The following GSE1 variants were observed in gnomAD, a reference collection of about 807,000 sequenced individuals.
GSE1 encodes the protein Gse1 coiled-coil protein.
In GSE1, 32 loss-of-function variants were observed where a neutral mutation model predicts 112.6. The ratio of observed to expected loss-of-function variants is 0.28; its 90% CI spans 0.21 to 0.38. The LOEUF (loss-of-function observed/expected upper bound fraction) is 0.38, where lower values mean the gene tolerates loss of function less well. Ranked by LOEUF, GSE1 falls within the 10% of genes least tolerant of loss-of-function variation. The probability of loss-of-function intolerance (pLI) is 1.00; values close to 1 mark genes in which losing one functional copy is unlikely to be tolerated. For synonymous variants in GSE1, 1,115 were observed against 735.6 expected (o/e 1.52, Z -8.35); for missense variants, 2,348 against 1,699.2 (o/e 1.38, Z -6.71).
chr16:85,588,742 A>G (rs1328334581), intron 1 of GSE1, among the ~76,000 whole-genome samples: 1 of 152,190 alleles, frequency 6.6e-6, no homozygotes, highest in African/African-American at 2.4e-5. Context: ...GTTATTAACA[A>G]GGAGCACTTT....
chr16:85,437,358 C>T (rs1844022265), intron 2 of GSE1, among the ~76,000 whole-genome samples: 1 of 152,176 alleles, frequency 6.6e-6, no homozygotes, highest in Non-Finnish European at 1.5e-5. Flanking sequence ...TCCTGGAAGG[C>T]TTTTTTCCCT....
chr16:85,425,109 C>T (rs773717522), intron 2 of GSE1, among the ~76,000 whole-genome samples: 1 of 152,340 alleles, frequency 6.6e-6, no homozygotes, highest in East Asian at 1.9e-4. Context: ...CCTGGGCGCC[C>T]TGGGGCGGGG....
At chr16:85,596,966 T>TTTG (rs1555541749) in intron 1 of GSE1, among the ~76,000 whole-genome samples, 1 of 151,586 alleles carries the variant, frequency 6.6e-6, no homozygotes, top group African/African-American at 2.4e-5. Flanking sequence ...GTAGTTGTTT[T>TTTG]TTTGTTTGTT....
chr16:85,239,281 G>A (rs960732573), intron 1 of GSE1, among the ~76,000 whole-genome samples: 3 of 152,166 alleles, frequency 2.0e-5, no homozygotes, highest in African/African-American at 7.2e-5. Context: ...TAATGGGGGC[G>A]GTGGCCAGAG....
At chr16:85,641,247 TC>T (rs2050420694) in intron 2 of GSE1, among the ~76,000 whole-genome samples, 1 of 152,264 alleles carries the variant, frequency 6.6e-6, no homozygotes. Context: ...ACGCGGACTC[TC>T]CCGGCTCCAT....
chr16:85,315,787 T>G (rs1264878757), intron 1 of GSE1, among the ~76,000 whole-genome samples: 1 of 152,256 alleles, frequency 6.6e-6, no homozygotes, highest in African/African-American at 2.4e-5. Flanking sequence ...CGAAATGAAC[T>G]GGGCACCCTG....
intron 1 of GSE1, among the ~76,000 whole-genome samples, chr16:85,322,123 G>A (rs2046120676): frequency 1.3e-5 from 2 of 152,244 alleles, no homozygotes; most frequent in Admixed American, 6.5e-5. Context: ...GGACTGGGTG[G>A]ACCTTCCAAG....
intron 1 of GSE1, among the ~76,000 whole-genome samples, chr16:85,342,597 G>A (rs1413575278): frequency 2.6e-5 from 4 of 152,204 alleles, no homozygotes; most frequent in Non-Finnish European, 5.9e-5. Context: ...CAGAGCGCAT[G>A]TGTTGAGGAT....
intron 1 of GSE1, among the ~76,000 whole-genome samples, chr16:85,616,324 G>A (rs990265491): frequency 6.6e-6 from 1 of 152,250 alleles, no homozygotes; most frequent in Admixed American, 6.5e-5. Context: ...TTTTCTGGAA[G>A]AGTGCGGATA....
intron 2 of GSE1, among the ~76,000 whole-genome samples, chr16:85,638,218 A>T (rs564322127): frequency 6.6e-6 from 1 of 152,144 alleles, no homozygotes; most frequent in African/African-American, 2.4e-5. Flanking sequence ...TTCAATTCAG[A>T]CGAAGCTGTG....
intron 2 of GSE1, among the ~76,000 whole-genome samples, chr16:85,429,052 G>A (rs1046375596): frequency 2.2e-4 from 33 of 152,338 alleles, no homozygotes; most frequent in East Asian, 5.8e-4. Flanking sequence ...TACATGGGGC[G>A]CCTACAGCTC....
At chr16:85,466,458 G>GGGGCC (rs2050124138) in intron 2 of GSE1, among the ~76,000 whole-genome samples, 1 of 152,208 alleles carries the variant, frequency 6.6e-6, no homozygotes, top group Non-Finnish European at 1.5e-5. Flanking sequence ...TGGCCTCAGA[G>GGGGCC]GGGCCCTCCT....
At chr16:85,639,369 CA>C (rs1166799257) in intron 2 of GSE1, among the ~76,000 whole-genome samples, 1 of 152,210 alleles carries the variant, frequency 6.6e-6, no homozygotes, top group Non-Finnish European at 1.5e-5. Flanking sequence ...TCTGCACAGA[CA>C]CCCAACCACC....
At chr16:85,435,068 T>G (rs2049213044) in intron 2 of GSE1, among the ~76,000 whole-genome samples, 1 of 152,272 alleles carries the variant, frequency 6.6e-6, no homozygotes, top group African/African-American at 2.4e-5. Context: ...TTAATCATTT[T>G]GGAACAGGAG....
intron 2 of GSE1, among the ~76,000 whole-genome samples, chr16:85,483,226 A>G (rs1313106857): frequency 6.6e-6 from 1 of 152,224 alleles, no homozygotes; most frequent in African/African-American, 2.4e-5. Context: ...CTGAAACCTG[A>G]AAAAGCGAGG....
intron 2 of GSE1, among the ~76,000 whole-genome samples, chr16:85,466,191 G>A (rs551498719): frequency 1.6e-4 from 25 of 152,344 alleles, no homozygotes; most frequent in African/African-American, 2.4e-4. Context: ...AAGCCAGGTC[G>A]TGGTAACCTG....
chr16:85,647,745 C>A (rs35297506), intron 2 of GSE1, among the ~76,000 whole-genome samples: 17,864 of 152,240 alleles, frequency 0.12, 1,165 homozygotes, highest in Middle Eastern at 0.14. Context: ...CGCCATCACG[C>A]CCGGCTAATA....
intron 1 of GSE1, among the ~76,000 whole-genome samples, chr16:85,590,391 ATG>A (rs1394932753): frequency 2.1e-5 from 3 of 145,618 alleles, no homozygotes; most frequent in South Asian, 2.2e-4. Flanking sequence ...TTGTGTGAAC[ATG>A]TGTGACATTG....
upstream of GSE1, among the ~76,000 whole-genome samples, chr16:85,552,310 C>G (rs1197922461): frequency 8.2e-6 from 1 of 121,336 alleles, no homozygotes; most frequent in African/African-American, 2.8e-5. Context: ...CAGGCGTGAA[C>G]CACCGCACCC....
Sources: allele counts gnomAD v4.1 joint callset (sites outside exome capture counted in the v4.1 genomes callset), GRCh38; gene constraint gnomAD v4.1.1; transcripts MANE v1.5; gene names NCBI Gene and HGNC (gene_info 2026-07-23, HGNC 2026-07-21).